Variants in SYT9 observed in about 807,000 individuals in gnomAD.
The protein encoded by SYT9 is synaptotagmin-9.
In SYT9, 22 loss-of-function variants were observed where a neutral mutation model predicts 48.4. The ratio of observed to expected loss-of-function variants is 0.45; its 90% CI spans 0.32 to 0.65. SYT9 has a LOEUF of 0.65. Ranked by LOEUF, SYT9 falls within the 30% of genes least tolerant of loss-of-function variation. The pLI is 0.03. For synonymous variants in SYT9, 265 were observed against 245.0 expected, an observed-to-expected ratio of 1.08 and a Z score of -0.76; for missense variants, 577 against 622.0, an observed-to-expected ratio of 0.93 and a Z score of 0.77.
At chr11:7,399,356 A>G (rs1287802511) in intron 3 of SYT9, among the ~76,000 whole-genome samples, 1 of 152,222 alleles carries the variant, frequency 6.6e-6, no homozygotes, top group African/African-American at 2.4e-5. Context: ...TCATGTATTG[A>G]AAGAGTGCAT....
intron 3 of SYT9, 44 bp downstream of exon 3, chr11:7,313,985 G>A (rs905599012): frequency 7.0e-6 from 11 of 1,574,074 alleles, no homozygotes; most frequent in Non-Finnish European, 6.0e-6. Flanking sequence ...GGGCATCTTG[G>A]TTAGCAAGGA....
intron 6 of SYT9, chr11:7,438,690 G>A (rs1289032847): frequency 5.9e-5 from 9 of 152,216 alleles, no homozygotes; most frequent in Non-Finnish European, 1.3e-4. Context: ...CACCATCCAA[G>A]CCTTGTTCCT....
At chr11:7,461,002 A>G (rs1408862914) in intron 6 of SYT9, among the ~76,000 whole-genome samples, 7 of 152,044 alleles carry the variant, frequency 4.6e-5, no homozygotes, top group Non-Finnish European at 1.0e-4. Context: ...CTCACAGGGG[A>G]ATTTTACCAG....
chr11:7,380,285 G>A (rs980460645), intron 3 of SYT9, among the ~76,000 whole-genome samples: 1 of 152,164 alleles, frequency 6.6e-6, no homozygotes, highest in Middle Eastern at 3.4e-3. Flanking sequence ...GGAAAGGTGG[G>A]AAGGGTAGTG....
intron 3 of SYT9, among the ~76,000 whole-genome samples, chr11:7,319,551 T>C (rs561245763): frequency 6.6e-6 from 1 of 152,334 alleles, no homozygotes; most frequent in Admixed American, 6.5e-5. Flanking sequence ...TTTAAATGCA[T>C]AACAATGCGA....
At chr11:7,363,166 TC>T (rs944349711) in intron 3 of SYT9, among the ~76,000 whole-genome samples, 12 of 152,068 alleles carry the variant, frequency 7.9e-5, no homozygotes, top group Non-Finnish European at 1.3e-4. Context: ...AATTTTTTTT[TC>T]ATAACTTTCT....
intron 6 of SYT9, among the ~76,000 whole-genome samples, chr11:7,446,603 G>A (rs75987579): frequency 2.6e-5 from 4 of 152,134 alleles, no homozygotes; most frequent in African/African-American, 4.8e-5. Flanking sequence ...TTTTAGGAAC[G>A]TAGATCCTAG....
chr11:7,424,998 A>C (rs983590058), intron 6 of SYT9, among the ~76,000 whole-genome samples: 4 of 152,214 alleles, frequency 2.6e-5, no homozygotes, highest in African/African-American at 7.2e-5. Context: ...GTATAAACTT[A>C]GAGTCAAAGG....
chr11:7,270,990 T>C (rs749831745), intron 1 of SYT9, among the ~76,000 whole-genome samples: 2 of 152,030 alleles, frequency 1.3e-5, no homozygotes, highest in Admixed American at 6.6e-5. Flanking sequence ...CTCTAAGAAC[T>C]GTGCTTCTGC....
At chr11:7,445,314 G>A (rs372234752) in intron 6 of SYT9, among the ~76,000 whole-genome samples, 2 of 152,146 alleles carry the variant, frequency 1.3e-5, no homozygotes, top group East Asian at 1.9e-4. Context: ...GTGCTTCAGC[G>A]GGAACCAGGG....
At chr11:7,402,675 G>A (rs548777580) in intron 3 of SYT9, among the ~76,000 whole-genome samples, 19 of 152,114 alleles carry the variant, frequency 1.2e-4, no homozygotes, top group African/African-American at 4.3e-4. Context: ...TATTTACATG[G>A]CCTAATTTGT....
intron 1 of SYT9, among the ~76,000 whole-genome samples, chr11:7,277,495 G>A (rs560171910): frequency 2.8e-4 from 43 of 152,230 alleles, no homozygotes; most frequent in African/African-American, 1.0e-3. Flanking sequence ...TGGGGGAATA[G>A]GAACAAGAGA....
intron 6 of SYT9, among the ~76,000 whole-genome samples, chr11:7,458,396 A>G (rs1040938133): frequency 6.6e-6 from 1 of 152,136 alleles, no homozygotes; most frequent in South Asian, 2.1e-4. Context: ...CAGGAGAGTC[A>G]CTTGAACCTG....
intron 3 of SYT9, among the ~76,000 whole-genome samples, chr11:7,344,371 T>A (rs1331450140): frequency 6.6e-6 from 1 of 151,728 alleles, no homozygotes; most frequent in African/African-American, 2.4e-5. Flanking sequence ...CTTAACACTT[T>A]CTTTTGAAAG....
chr11:7,348,145 T>C (rs1235232106), intron 3 of SYT9, among the ~76,000 whole-genome samples: 2 of 152,296 alleles, frequency 1.3e-5, no homozygotes, highest in East Asian at 1.9e-4. Flanking sequence ...TTAACAATTA[T>C]GGTTTGGCCA....
chr11:7,341,909 C>T (rs1288086265), intron 3 of SYT9, among the ~76,000 whole-genome samples: 1 of 152,068 alleles, frequency 6.6e-6, no homozygotes, highest in Non-Finnish European at 1.5e-5. Context: ...TTGGCAAGAC[C>T]TCACAATCAT....
chr11:7,420,727 A>G (rs1418228761), intron 6 of SYT9, 92 bp downstream of exon 6: 1 of 1,505,122 alleles, frequency 6.6e-7, no homozygotes, highest in Non-Finnish European at 9.1e-7. Flanking sequence ...GTGCACCAGG[A>G]TCTATGGTCA....
At position 7,348,482 on chromosome 11, in the gene SYT9, T is replaced by G. The variant is rs867719203; in HGVS notation, c.1044+34541T>G. Among the ~76,000 whole-genome samples the G allele has an allele frequency of 3.3e-5, 5 of 152,164 alleles. No homozygotes were observed. The South Asian group carries it at 6.2e-4, about 19-fold the overall frequency. On this transcript the variant is annotated intron_variant, in intron 3 of 6. Transcript: ENST00000318881. Reference sequence around the variant, plus strand: ...GTAAGATCTGTAATCCTGCTGATATTAAAGAATATTGCTTCACGTTTAATG... The same window carrying G: ...GTAAGATCTGTAATCCTGCTGATATGAAAGAATATTGCTTCACGTTTAATG...
intron 1 of SYT9, among the ~76,000 whole-genome samples, chr11:7,266,864 A>G (rs914543515): frequency 1.3e-5 from 2 of 152,128 alleles, no homozygotes; most frequent in Non-Finnish European, 2.9e-5. Flanking sequence ...TGATGCAATC[A>G]GAACATGGGG....
Sources: allele counts gnomAD v4.1 joint callset (sites outside exome capture counted in the v4.1 genomes callset), GRCh38; gene constraint gnomAD v4.1.1; transcripts MANE v1.5; gene names NCBI Gene and HGNC (gene_info 2026-07-23, HGNC 2026-07-21).